Variants in SRRM3 observed in about 807,000 individuals in gnomAD.
SRRM3 encodes serine/arginine repetitive matrix protein 3.
In SRRM3, 27 loss-of-function variants were observed where a neutral mutation model predicts 66.2. That is an observed-to-expected ratio of 0.41 (90% confidence interval 0.30 to 0.56). The LOEUF (loss-of-function observed/expected upper bound fraction) is 0.56, where lower values mean the gene tolerates loss of function less well. Among genes scored for constraint, SRRM3 ranks in the 20% least tolerant of loss-of-function variants. SRRM3 has a pLI of 0.32. For synonymous variants in SRRM3, 391 were observed against 414.9 expected, an observed-to-expected ratio of 0.94 and a Z score of 0.70; for missense variants, 918 against 991.9, an observed-to-expected ratio of 0.93 and a Z score of 1.00.
At chr7:76,234,406 G>A (rs1554604554) in intron 1 of SRRM3, among the ~76,000 whole-genome samples, 3 of 152,140 alleles carry the variant, frequency 2.0e-5, no homozygotes, top group Admixed American at 2.0e-4. Flanking sequence ...AGTCTTGTGG[G>A]CCCAATCTGG....
intron 1 of SRRM3, among the ~76,000 whole-genome samples, chr7:76,232,079 T>G (rs1801029519): frequency 6.6e-6 from 1 of 152,168 alleles, no homozygotes; most frequent in South Asian, 2.1e-4. Context: ...ATGCCATGTA[T>G]TCCTCTCTCT....
intron 2 of SRRM3, among the ~76,000 whole-genome samples, chr7:76,247,237 G>A (rs1221639150): frequency 6.6e-6 from 1 of 152,138 alleles, no homozygotes; most frequent in Non-Finnish European, 1.5e-5. Context: ...GTGGGAGAGG[G>A]AGGGGAGTAG....
At chr7:76,266,389 TATTTATATATTTTA>T (rs1270578854) in intron 10 of SRRM3, among the ~76,000 whole-genome samples, 1 of 113,246 alleles carries the variant, frequency 8.8e-6, no homozygotes, top group African/African-American at 3.8e-5. Flanking sequence ...ATATTTAATA[TATTTATATATTTTA>T]ATTTATATAT....
intron 11 of SRRM3, 162 bp downstream of exon 11, chr7:76,267,597 G>C: frequency 1.8e-6 from 1 of 569,632 alleles, no homozygotes. Flanking sequence ...GTCCTGGCTC[G>C]GGAGCCGCCG....
intron 1 of SRRM3, among the ~76,000 whole-genome samples, chr7:76,217,455 T>C (rs1257421154): frequency 1.3e-5 from 2 of 152,060 alleles, no homozygotes; most frequent in Admixed American, 1.3e-4. Flanking sequence ...CGGCTAAGTT[T>C]TGTATTTTTA....
intron 12 of SRRM3, 117 bp downstream of exon 12, chr7:76,281,919 C>G (rs1198437303): frequency 5.0e-6 from 4 of 795,776 alleles, no homozygotes; most frequent in Non-Finnish European, 6.3e-6. Context: ...TCCAGGGATC[C>G]CAACCCCCTC....
chr7:76,255,916 A>G (rs1801701207), intron 3 of SRRM3, among the ~76,000 whole-genome samples: 1 of 152,166 alleles, frequency 6.6e-6, no homozygotes, highest in Admixed American at 6.5e-5. Flanking sequence ...TGTAAGTAGC[A>G]GCAACGGCCC....
At position 76,260,027 on chromosome 7, in the gene SRRM3, G is replaced by T; in HGVS notation, c.457G>T (p.Gly153Trp). ...GGCCTCCTGCTACCGCGGCCACCGCGGGTACAGGTCAGCGGCCGCCGCGGC... is the reference window on the plus strand; with the variant it reads ...GGCCTCCTGCTACCGCGGCCACCGCTGGTACAGGTCAGCGGCCGCCGCGGC... Reference protein sequence around the residue: ...CPASCYRGHRGYRTKHWSSSS... With the variant: ...CPASCYRGHRWYRTKHWSSSS... Residue 153 changes from glycine (G) to tryptophan (W), a missense_variant, in exon 4 of 15, where the codon GGG becomes TGG. Physicochemically the swap from Gly to Trp is radical, Grantham distance 184. Transcript: ENST00000611745. The T allele has an allele frequency of 6.4e-7, 1 of 1,562,114 alleles. No homozygotes were observed. The highest frequency in any genetic ancestry group is 2.4e-5 in the East Asian group (1 of 42,438).
chr7:76,244,055 G>C (rs1023091156), intron 2 of SRRM3, among the ~76,000 whole-genome samples: 8 of 152,240 alleles, frequency 5.3e-5, no homozygotes, highest in Non-Finnish European at 1.0e-4. Context: ...ACTTGGTGGA[G>C]CTAGGTTGGT....
Position 76,267,431 on chromosome 7 carries a change from C to G in SRRM3, c.1004C>G (p.Pro335Arg), listed in dbSNP as rs532540199. 2.1e-4 allele frequency: 284 copies of G among 1,361,806 alleles called. 1 individual carries two copies. The African/African-American group carries it at 4.1e-3, about 20-fold the overall frequency. 84.4% of individuals were successfully genotyped at this position (1,361,806 alleles called of 1,614,324 possible). ...GGRPGSAHSP[P>R]DKPSSPSPRV... ...CGCCCCGGCTCGGCGCACAGCCCGC[C>G]CGATGTACGTACGCTTCGCTTTGCG... The change falls in exon 11 of 15, where the codon CCC (proline) becomes CGC (arginine). Residue 335 changes from proline (P) to arginine (R), a missense_variant. By Grantham distance (103) the Pro-to-Arg change is moderately radical. Transcript: ENST00000611745.
At chr7:76,225,847 A>G (rs1214951141) in intron 1 of SRRM3, among the ~76,000 whole-genome samples, 1 of 152,226 alleles carries the variant, frequency 6.6e-6, no homozygotes, top group Non-Finnish European at 1.5e-5. Context: ...ATTATTAAAT[A>G]GTTTCATTTT....
intron 11 of SRRM3, chr7:76,273,240 C>T (rs77526414): frequency 0.033 from 4,969 of 152,442 alleles, 118 homozygotes; most frequent in Middle Eastern, 0.074. Flanking sequence ...CCCTCTCCCC[C>T]GGCATGGGCC....
At chr7:76,218,002 G>C (rs1205736567) in intron 1 of SRRM3, among the ~76,000 whole-genome samples, 1 of 152,176 alleles carries the variant, frequency 6.6e-6, no homozygotes, top group Non-Finnish European at 1.5e-5. Context: ...CCAGTATCCA[G>C]GCCCCTGACA....
rs563539063 is a variant in SRRM3, at chr7:76,240,545, G to A, written c.233+5246G>A. On this transcript the variant is annotated intron_variant, in intron 2 of 14. Transcript: ENST00000611745. ...TGAGGCAGCAGAATGGCGTGAACCC[G>A]GGAGGCGGAGCTTGCAGTGAGCCGA... Among the ~76,000 whole-genome samples the A allele has an allele frequency of 1.1e-3, 168 of 151,152 alleles. 1 individual carries two copies. Among genetic ancestry groups the A allele is most frequent in the Non-Finnish European group, 1.9e-3 (132 of 67,772 alleles).
intron 2 of SRRM3, among the ~76,000 whole-genome samples, chr7:76,244,151 C>T (rs539741617): frequency 6.6e-6 from 1 of 152,260 alleles, no homozygotes; most frequent in African/African-American, 2.4e-5. Flanking sequence ...AGGACCCAGC[C>T]CTCCCCACGG....
At chr7:76,264,337 T>G (rs1022071859) in intron 8 of SRRM3, among the ~76,000 whole-genome samples, 2 of 151,866 alleles carry the variant, frequency 1.3e-5, no homozygotes, top group African/African-American at 4.8e-5. Context: ...TGGCTAATTT[T>G]GTATTTTTAG....
At chr7:76,215,238 A>G (rs1406456200) in intron 1 of SRRM3, among the ~76,000 whole-genome samples, 1 of 151,998 alleles carries the variant, frequency 6.6e-6, no homozygotes, top group African/African-American at 2.4e-5. Context: ...CAACAAAAAA[A>G]ACTACTATGA....
intron 1 of SRRM3, among the ~76,000 whole-genome samples, chr7:76,209,763 C>T (rs1226274999): frequency 6.6e-6 from 1 of 152,086 alleles, no homozygotes; most frequent in Admixed American, 6.6e-5. Context: ...TGCCACCACA[C>T]CCAACTAATT....
intron 2 of SRRM3, among the ~76,000 whole-genome samples, chr7:76,238,511 T>A (rs1157366671): frequency 6.6e-6 from 1 of 152,104 alleles, no homozygotes; most frequent in African/African-American, 2.4e-5. Flanking sequence ...ATGGCGTACT[T>A]GGAGTCACCT....
Sources: allele counts gnomAD v4.1 joint callset (sites outside exome capture counted in the v4.1 genomes callset), GRCh38; gene constraint gnomAD v4.1.1; transcripts MANE v1.5; gene names NCBI Gene and HGNC (gene_info 2026-07-23, HGNC 2026-07-21).